UCHL3: variants seen among roughly 807,000 people sequenced by gnomAD.
UCHL3 encodes the protein ubiquitin C-terminal hydrolase L3, also known as ubiquitin carboxyl-terminal hydrolase isozyme L3.
UCHL3 carries 22 observed loss-of-function variants against 35.8 expected under a neutral mutation model. The observed-to-expected ratio is 0.61, with a 90% CI of 0.44 to 0.88. UCHL3 has a LOEUF of 0.88. Ranked by LOEUF, UCHL3 falls within the 40% of genes least tolerant of loss-of-function variation. The pLI, the probability that UCHL3 is intolerant of heterozygous loss-of-function variation, is 0.00. For synonymous variants in UCHL3, 90 were observed against 92.8 expected (o/e 0.97, Z 0.17); for missense variants, 229 against 276.9 (o/e 0.83, Z 1.23).
At chr13:75,602,124 AAAAAC>A (rs542836582) in intron 7 of UCHL3, among the ~76,000 whole-genome samples, 31 of 151,900 alleles carry the variant, frequency 2.0e-4, no homozygotes, top group African/African-American at 7.0e-4. Flanking sequence ...AAACAAAAAC[AAAAAC>A]AAAACAAAAA....
At position 75,562,388 on chromosome 13, in the gene UCHL3, A is replaced by T. The variant is rs184448872; in HGVS notation, c.183+1507A>T. On this transcript the variant is annotated intron_variant, in intron 3 of 8. Transcript: ENST00000377595. ...CAAACCCCTACACAATGGTAAGGTTATGATTACTGACATTTGTAGAAGAGT... is the reference window on the plus strand; with the variant it reads ...CAAACCCCTACACAATGGTAAGGTTTTGATTACTGACATTTGTAGAAGAGT... 4.9e-3 allele frequency among the ~76,000 whole-genome samples: 749 copies of T among 152,280 alleles called. 7 individuals are homozygous for T. The highest frequency in any genetic ancestry group is 0.017 in the African/African-American group (714 of 41,586).
chr13:75,575,932 A>T (rs571264794), intron 6 of UCHL3, among the ~76,000 whole-genome samples: 1 of 151,422 alleles, frequency 6.6e-6, no homozygotes, highest in Non-Finnish European at 1.5e-5. Flanking sequence ...TTATATTTTT[A>T]GTAGAGACGG....
chr13:75,574,405 A>T (rs988886558), intron 6 of UCHL3, among the ~76,000 whole-genome samples: 3 of 152,190 alleles, frequency 2.0e-5, no homozygotes, highest in Non-Finnish European at 4.4e-5. Context: ...TCCCATGAGG[A>T]AATAGGCCTT....
chr13:75,579,670 C>T (rs184328456), intron 6 of UCHL3, among the ~76,000 whole-genome samples: 4 of 152,076 alleles, frequency 2.6e-5, no homozygotes, highest in Admixed American at 1.3e-4. Flanking sequence ...ATTCTTAGAC[C>T]GAACTTACCA....
intron 6 of UCHL3, among the ~76,000 whole-genome samples, chr13:75,572,927 C>G (rs1171424269): frequency 6.6e-6 from 1 of 152,086 alleles, no homozygotes; most frequent in African/African-American, 2.4e-5. Context: ...GCTTTAAATC[C>G]CTGCTTCAGG....
intron 6 of UCHL3, among the ~76,000 whole-genome samples, chr13:75,574,438 C>T (rs1374268308): frequency 6.6e-6 from 1 of 152,104 alleles, no homozygotes; most frequent in Non-Finnish European, 1.5e-5. Flanking sequence ...CGCTTTGAAT[C>T]CCCAAGACAA....
At chr13:75,595,067 TGA>T in intron 7 of UCHL3, 77 bp downstream of exon 7, 10 of 1,076,576 alleles carry the variant, frequency 9.3e-6, no homozygotes, top group Non-Finnish European at 1.3e-5. Flanking sequence ...ACAGGACTAT[TGA>T]TATTTATTGT....
At chr13:75,557,552 T>G (rs144740941) in intron 2 of UCHL3, among the ~76,000 whole-genome samples, 46 of 152,346 alleles carry the variant, frequency 3.0e-4, no homozygotes, top group African/African-American at 1.1e-3. Flanking sequence ...AGACTGGTGA[T>G]AGAGGTTATG....
At chr13:75,557,849 A>G (rs7982534) in intron 2 of UCHL3, among the ~76,000 whole-genome samples, 66,878 of 151,916 alleles carry the variant, frequency 0.44, 16,222 homozygotes, top group East Asian at 0.62. Flanking sequence ...ACACCACCCA[A>G]GCTAACTGCT....
At chr13:75,574,766 G>A (rs2031970933) in intron 6 of UCHL3, among the ~76,000 whole-genome samples, 2 of 152,190 alleles carry the variant, frequency 1.3e-5, no homozygotes, top group South Asian at 4.1e-4. Flanking sequence ...GCCATATCTG[G>A]GGGGCTTGGA....
intron 7 of UCHL3, among the ~76,000 whole-genome samples, chr13:75,600,379 G>GGA (rs2138586349): frequency 6.6e-6 from 1 of 152,310 alleles, no homozygotes; most frequent in South Asian, 2.1e-4. Context: ...TAGCTAGAGA[G>GGA]GAGATGTCAA....
intron 7 of UCHL3, among the ~76,000 whole-genome samples, chr13:75,597,974 G>A (rs986518018): frequency 6.6e-6 from 1 of 152,176 alleles, no homozygotes; most frequent in African/African-American, 2.4e-5. Flanking sequence ...TAAAGGGGAA[G>A]AAGTACATAT....
chr13:75,577,935 CTTT>C (rs2032072487), intron 6 of UCHL3, among the ~76,000 whole-genome samples: 1 of 152,064 alleles, frequency 6.6e-6, no homozygotes, highest in Non-Finnish European at 1.5e-5. Context: ...TATTGTTTAA[CTTT>C]TTAAGTTTGT....
chr13:75,589,790 T>C (rs2032426082), intron 6 of UCHL3: 1 of 589,106 alleles, frequency 1.7e-6, no homozygotes, highest in Non-Finnish European at 2.5e-6. Context: ...TTAACCAATA[T>C]TCATACATGA....
At chr13:75,590,535 A>ATTTTTTTATGT (rs910552138) in intron 6 of UCHL3, among the ~76,000 whole-genome samples, 6 of 151,816 alleles carry the variant, frequency 4.0e-5, no homozygotes, top group Non-Finnish European at 7.4e-5. Context: ...TATTATTATT[A>ATTTTTTTATGT]TTTTTTTATG....
chr13:75,578,578 G>T (rs765476975), intron 6 of UCHL3, among the ~76,000 whole-genome samples: 1 of 152,050 alleles, frequency 6.6e-6, no homozygotes, highest in Non-Finnish European at 1.5e-5. Flanking sequence ...AAAATCGCTT[G>T]CCAGTATTGA....
chr13:75,591,784 C>T (rs1050026784), intron 6 of UCHL3, among the ~76,000 whole-genome samples: 7 of 152,058 alleles, frequency 4.6e-5, no homozygotes, highest in African/African-American at 9.7e-5. Flanking sequence ...AATTATATTA[C>T]GTACCTTATT....
intron 6 of UCHL3, among the ~76,000 whole-genome samples, chr13:75,582,033 A>T (rs1341248595): frequency 6.6e-6 from 1 of 152,182 alleles, no homozygotes; most frequent in Non-Finnish European, 1.5e-5. Context: ...GAAAACACTG[A>T]AATTGGAGCT....
At chr13:75,584,368 AT>A (rs752746274) in intron 6 of UCHL3, among the ~76,000 whole-genome samples, 5 of 152,192 alleles carry the variant, frequency 3.3e-5, no homozygotes, top group Non-Finnish European at 7.4e-5. Flanking sequence ...GAACAAGAGC[AT>A]TGAAAAAGAA....
Sources: allele counts gnomAD v4.1 joint callset (sites outside exome capture counted in the v4.1 genomes callset), GRCh38; gene constraint gnomAD v4.1.1; transcripts MANE v1.5; gene names NCBI Gene and HGNC (gene_info 2026-07-23, HGNC 2026-07-21).